EFCAB8: variants seen among roughly 807,000 people sequenced by gnomAD.
EFCAB8 encodes the protein EF-hand calcium-binding domain-containing protein 8.
EFCAB8 carries 100 observed loss-of-function variants against 116.3 expected under a neutral mutation model. The observed-to-expected ratio is 0.86, with a 90% CI of 0.73 to 1.02. The LOEUF (loss-of-function observed/expected upper bound fraction) is 1.02. EFCAB8 is among the 50% of genes least tolerant of loss of function. The pLI is 0.00. For synonymous variants in EFCAB8, 558 were observed against 567.9 expected, an observed-to-expected ratio of 0.98 and a Z score of 0.25; for missense variants, 1,320 against 1,416.9, an observed-to-expected ratio of 0.93 and a Z score of 1.10.
intron 21 of EFCAB8, 92 bp from the exon 22 acceptor site, chr20:32,931,086 A>C: frequency 1.8e-6 from 2 of 1,135,778 alleles, no homozygotes; most frequent in Non-Finnish European, 2.5e-6. Context: ...CACCCCCACC[A>C]AATGAAGAGG....
intron 5 of EFCAB8, among the ~76,000 whole-genome samples, chr20:32,884,307 C>T (rs1985496932): frequency 6.6e-6 from 1 of 152,208 alleles, no homozygotes; most frequent in African/African-American, 2.4e-5. Flanking sequence ...CTAGGAGGTG[C>T]AGGTGCTGTC....
At chr20:32,958,162 C>T (rs1423387141) in intron 23 of EFCAB8, among the ~76,000 whole-genome samples, 1 of 152,144 alleles carries the variant, frequency 6.6e-6, no homozygotes, top group African/African-American at 2.4e-5. Context: ...AGTACTCTCC[C>T]CATCTCAGTT....
intron 5 of EFCAB8, among the ~76,000 whole-genome samples, chr20:32,881,039 C>T (rs1468423774): frequency 1.3e-5 from 2 of 152,152 alleles, no homozygotes; most frequent in Admixed American, 6.6e-5. Context: ...ATAATTCATC[C>T]CATCCATCAT....
At chr20:32,955,951 G>A (rs1405083347) in intron 23 of EFCAB8, among the ~76,000 whole-genome samples, 2 of 151,956 alleles carry the variant, frequency 1.3e-5, no homozygotes, top group African/African-American at 4.8e-5. Flanking sequence ...TTTTAATTGG[G>A]TATTTAGTCC....
intron 15 of EFCAB8, among the ~76,000 whole-genome samples, chr20:32,910,738 C>CTTTTTTTTTTTT (rs34185318): frequency 9.3e-6 from 1 of 107,308 alleles, no homozygotes; most frequent in African/African-American, 4.0e-5. Context: ...TCACTTGCTA[C>CTTTTTTTTTTTT]TTTTTTTTTT....
Position 32,893,307 on chromosome 20 carries a change from G to C in EFCAB8, c.883+9G>C, listed in dbSNP as rs1397218445. On this transcript the variant is annotated intron_variant, in intron 9 of 26. Coordinates refer to ENST00000400522, the MANE Select transcript of EFCAB8 (RefSeq NM_001143967.2). ...CAGGGCCTCCAAGTGGGGTAGCTAA[G>C]ATGCTGGGGAAGGGGGCAGAGGCCT... is the stretch of plus-strand genomic sequence containing the variant. 3.2e-6 allele frequency: 5 copies of C among 1,551,610 alleles called. No homozygotes were observed. The highest frequency in any genetic ancestry group is 3.3e-4 in the Middle Eastern group (2 of 6,000).
chr20:32,874,780 T>G (rs1467619002), intron 3 of EFCAB8, among the ~76,000 whole-genome samples: 1 of 152,188 alleles, frequency 6.6e-6, no homozygotes, highest in Non-Finnish European at 1.5e-5. Context: ...AGAGTCTGGC[T>G]CTGTTGCCCA....
intron 17 of EFCAB8, 196 bp from the exon 18 acceptor site, chr20:32,917,105 C>T (rs1987223017): frequency 1.7e-6 from 1 of 587,250 alleles, no homozygotes; most frequent in Non-Finnish European, 3.0e-6. Context: ...GCCCCTACAA[C>T]AGGGCCTTTG....
chr20:32,888,769 T>C (rs991507949), intron 6 of EFCAB8, among the ~76,000 whole-genome samples: 2 of 152,198 alleles, frequency 1.3e-5, no homozygotes, highest in African/African-American at 4.8e-5. Flanking sequence ...CCTTTGTTCT[T>C]AATGTCTGGG....
rs777831103 is a variant in EFCAB8, at chr20:32,911,695, G to A, written c.1773G>A (p.Pro591=). 1.2e-5 allele frequency: 19 copies of A among 1,551,570 alleles called. No homozygotes were observed. The highest frequency in any genetic ancestry group is 6.8e-5 in the African/African-American group (5 of 73,040). The change falls in exon 16 of 27, where the codon CCG becomes CCA. Residue 591 remains proline, a synonymous_variant. Coordinates refer to ENST00000400522, the MANE Select transcript of EFCAB8 (RefSeq NM_001143967.2). ...AATGCCTGTTGACCTTTCCCAGTCC[G>A]GAACAGCTGGAGGTCAGTCTTGCTT... ...IGKCLLTFPS[P]EQLEISGIIH...
At chr20:32,948,572 GAAAGAAAGAAAA>G (rs930896353) in intron 23 of EFCAB8, among the ~76,000 whole-genome samples, 1 of 139,510 alleles carries the variant, frequency 7.2e-6, no homozygotes, top group African/African-American at 2.8e-5. Flanking sequence ...AAGAAAGAAA[GAAAGAAAGAAAA>G]GAAAGGAAAA....
At chr20:32,911,348 T>C in intron 15 of EFCAB8, 132 bp from the exon 16 acceptor site, 1 of 728,132 alleles carries the variant, frequency 1.4e-6, no homozygotes, top group Admixed American at 3.4e-5. Context: ...AAGTGGCTTA[T>C]GCTGTAGCAG....
chr20:32,922,688 A>G (rs1490986979), intron 20 of EFCAB8, among the ~76,000 whole-genome samples: 1 of 152,176 alleles, frequency 6.6e-6, no homozygotes, highest in Non-Finnish European at 1.5e-5. Context: ...TGGCATCTGC[A>G]TAGAGCCTGA....
intron 4 of EFCAB8, among the ~76,000 whole-genome samples, chr20:32,877,143 C>T (rs1454417094): frequency 1.3e-5 from 2 of 151,948 alleles, no homozygotes; most frequent in African/African-American, 2.4e-5. Context: ...CATAGCTCTC[C>T]TCAGCATAGG....
chr20:32,948,013 TA>T (rs1988657781), intron 23 of EFCAB8, among the ~76,000 whole-genome samples: 1 of 148,380 alleles, frequency 6.7e-6, no homozygotes, highest in Non-Finnish European at 1.5e-5. Context: ...AACAGGGAAG[TA>T]AAAAATAATA....
In EFCAB8 at chr20:32,885,491, A is replaced by G. The variant is rs1392157974; in HGVS notation, c.432-14A>G. ...TTTTGCTTGGGCTCTTCTCTCTTTC[A>G]TCGCCTCCCACAGGAACCATGGCTG... On this transcript the variant is annotated splice_polypyrimidine_tract_variant and intron_variant, in intron 5 of 26. Transcript: ENST00000400522. 1 of 1,551,070 alleles carries G rather than the reference A, an allele frequency of 6.4e-7. No homozygotes were observed. The highest frequency in any genetic ancestry group is 1.4e-5 in the African/African-American group (1 of 72,864).
At position 32,898,154 on chromosome 20, in the gene EFCAB8, A is replaced by G. The variant is rs114827239; in HGVS notation, c.958-339A>G. 4.1e-3 allele frequency among the ~76,000 whole-genome samples: 626 copies of G among 152,348 alleles called. 9 individuals carry two copies. Among genetic ancestry groups the G allele is most frequent in the African/African-American group, 0.014 (592 of 41,586 alleles). On this transcript the variant is annotated intron_variant, in intron 10 of 26. Coordinates refer to ENST00000400522, the MANE Select transcript of EFCAB8 (RefSeq NM_001143967.2). ...CTGTAGAGGGGGCTCCCTGTGGATA[A>G]CTAGATTGTGGCCTGGACAGACTTG...
chr20:32,950,309 A>C (rs992337551), intron 23 of EFCAB8, among the ~76,000 whole-genome samples: 2 of 152,238 alleles, frequency 1.3e-5, no homozygotes, highest in African/African-American at 2.4e-5. Flanking sequence ...TTTAGAATAT[A>C]TAAACTCTCA....
chr20:32,902,730 G>C (rs937582785), intron 11 of EFCAB8, among the ~76,000 whole-genome samples: 1 of 152,210 alleles, frequency 6.6e-6, no homozygotes, highest in African/African-American at 2.4e-5. Context: ...TATCCTCTGC[G>C]GGTGGGGCCT....
Sources: allele counts gnomAD v4.1 joint callset (sites outside exome capture counted in the v4.1 genomes callset), GRCh38; gene constraint gnomAD v4.1.1; transcripts MANE v1.5; gene names NCBI Gene and HGNC (gene_info 2026-07-23, HGNC 2026-07-21).